Variants in CGRRF1 observed in about 807,000 individuals in gnomAD.
CGRRF1 encodes the protein cell growth regulator with ring finger domain 1, also known as cell growth regulator with RING finger domain protein 1.
A neutral mutation model predicts 37.2 loss-of-function variants in CGRRF1; 32 were observed. The observed-to-expected ratio is 0.86, with a 90% CI of 0.65 to 1.16. The LOEUF (loss-of-function observed/expected upper bound fraction) is 1.16, where lower values mean the gene tolerates loss of function less well. Ranked by LOEUF, CGRRF1 falls within the 50% of genes most tolerant of loss-of-function variation. The probability of loss-of-function intolerance (pLI) is 0.00; values close to 1 mark genes in which losing one functional copy is unlikely to be tolerated. For missense variants in CGRRF1, 391 were observed against 382.6 expected (o/e 1.02, Z -0.18); for synonymous variants, 141 against 140.3 (o/e 1.00, Z -0.04).
chr14:54,510,680 G>C (rs1030021427), intron 1 of CGRRF1, among the ~76,000 whole-genome samples: 12 of 152,198 alleles, frequency 7.9e-5, no homozygotes, highest in African/African-American at 2.4e-4. Context: ...ATGTAACACC[G>C]AGGGTAGGAC....
intron 2 of CGRRF1, among the ~76,000 whole-genome samples, chr14:54,527,681 G>A (rs1297335428): frequency 6.6e-6 from 1 of 151,494 alleles, no homozygotes; most frequent in Non-Finnish European, 1.5e-5. Context: ...TTTTTACAAA[G>A]CAAATAAACA....
intron 4 of CGRRF1, among the ~76,000 whole-genome samples, chr14:54,534,451 T>C (rs2032569251): frequency 6.6e-6 from 1 of 152,156 alleles, no homozygotes; most frequent in Non-Finnish European, 1.5e-5. Flanking sequence ...AAGTGATAAC[T>C]ACTATTTTCT....
intron 1 of CGRRF1, among the ~76,000 whole-genome samples, chr14:54,515,314 G>A (rs1418360363): frequency 2.6e-5 from 4 of 151,572 alleles, no homozygotes; most frequent in African/African-American, 7.3e-5. Flanking sequence ...GGATGGTCTC[G>A]ATCGCTTGAC....
intron 1 of CGRRF1, among the ~76,000 whole-genome samples, chr14:54,513,211 G>A (rs2140052990): frequency 6.6e-6 from 1 of 152,272 alleles, no homozygotes; most frequent in African/African-American, 2.4e-5. Flanking sequence ...AATTTCTTTA[G>A]CTCTTTGCCA....
rs1236729205 is a variant in CGRRF1 at position 54,530,841 on chromosome 14, AT to A, written c.423-57del. On this transcript the variant is annotated intron_variant, in intron 3 of 5. Transcript: ENST00000216420. ...ATAAAGTGTTGCTAACTTATTGATC[AT>A]TTTTGGTGTATTTTTGTTCTTATGG... is the stretch of plus-strand genomic sequence containing the variant. 1.1e-4 allele frequency: 138 copies of A among 1,290,024 alleles called. 1 individual carries two copies. The East Asian group carries it at 3.1e-3, about 29-fold the overall frequency. The allele number at this position is 1,290,024 out of a possible 1,614,324, so 79.9% of individuals were successfully genotyped here. A position where few individuals can be genotyped will look rare whatever the true frequency, so the allele number is the denominator to read the frequency against.
intron 1 of CGRRF1, among the ~76,000 whole-genome samples, chr14:54,513,517 A>G (rs2032162807): frequency 6.6e-6 from 1 of 152,226 alleles, no homozygotes; most frequent in African/African-American, 2.4e-5. Context: ...GTTCTAAAGC[A>G]CTTCATTTTG....
At chr14:54,526,144 A>ATTTTTTTTTTTTTTTTTTTTTTTTTTTT (rs745596386) in intron 2 of CGRRF1, among the ~76,000 whole-genome samples, 1 of 107,068 alleles carries the variant, frequency 9.3e-6, no homozygotes, top group African/African-American at 3.6e-5. Flanking sequence ...TATATTTAAG[A>ATTTTTTTTTTTTTTTTTTTTTTTTTTTT]TTTTTTTTTT....
In CGRRF1 at chr14:54,539,018, G is replaced by C. The variant is rs2032648783; in HGVS notation, c.*635G>C. The C allele has an allele frequency of 6.6e-6, 1 of 152,172 alleles. No individual in the cohort carries two copies. Among genetic ancestry groups the C allele is most frequent in the East Asian group, 1.9e-4 (1 of 5,190 alleles). 9.4% of individuals were successfully genotyped at this position (152,172 alleles called of 1,614,324 possible). ...AAATGATACTCATCTATAGGAGGCA[G>C]ATATATAAAATTCGGATAATAAGAT... On this transcript the variant is annotated 3_prime_UTR_variant, in exon 6 of 6. Coordinates refer to ENST00000216420, the MANE Select transcript of CGRRF1 (RefSeq NM_006568.3).
intron 2 of CGRRF1, among the ~76,000 whole-genome samples, chr14:54,525,383 C>G (rs2032395314): frequency 6.6e-6 from 1 of 152,162 alleles, no homozygotes; most frequent in Non-Finnish European, 1.5e-5. Flanking sequence ...GAAAAGATAG[C>G]CAGTAAGTAG....
intron 1 of CGRRF1, among the ~76,000 whole-genome samples, chr14:54,513,763 C>G (rs1310456439): frequency 6.6e-6 from 1 of 152,042 alleles, no homozygotes; most frequent in Admixed American, 6.6e-5. Context: ...CCCAGAAGTT[C>G]AAGACCAACA....
Position 54,538,115 on chromosome 14 carries a change from C to T in CGRRF1, c.731C>T (p.Ser244Leu), listed in dbSNP as rs761330215. ...TTCACTCCCTCCAACAATTCCTCTT[C>T]AGAAGAAAAAAACACAGACAGAAGT... ...NNFTPSNNSS[S>L]EEKNTDRSLL... is the part of the protein sequence containing the mutation. The change falls in exon 6 of 6, where the codon TCA (serine) becomes TTA (leucine). Residue 244 changes from serine (S) to leucine (L), a missense_variant. By Grantham distance (145) the Ser-to-Leu change is moderately radical. Coordinates refer to ENST00000216420, the MANE Select transcript of CGRRF1 (RefSeq NM_006568.3). 3.7e-6 allele frequency: 6 copies of T among 1,613,744 alleles called. No homozygotes were observed. The African/African-American group carries it at 5.3e-5, about 14-fold the overall frequency.
At chr14:54,521,705 A>G (rs2032320005) in intron 1 of CGRRF1, among the ~76,000 whole-genome samples, 1 of 151,690 alleles carries the variant, frequency 6.6e-6, no homozygotes, top group East Asian at 2.0e-4. Flanking sequence ...GGGTTTCACT[A>G]TGTTTTGGCC....
Position 54,522,536 on chromosome 14 carries a change from C to G in CGRRF1, c.187C>G (p.Gln63Glu), listed in dbSNP as rs765844063. 4 of 1,607,550 alleles carry G rather than the reference C, an allele frequency of 2.5e-6. No homozygotes were observed. Among genetic ancestry groups the G allele is most frequent in the Admixed American group, 1.7e-5 (1 of 58,720 alleles). The change falls in exon 2 of 6, where the codon CAA (glutamine) becomes GAA (glutamate). Residue 63 changes from glutamine (Q) to glutamate (E), a missense_variant. Transcript: ENST00000216420. Reference sequence around the variant, plus strand: ...AAGAGTTTTCAAAAAGCAAATGAGACAAGTCAAGAATCCTTTTGGCTTAGA... The same window carrying G: ...AAGAGTTTTCAAAAAGCAAATGAGAGAAGTCAAGAATCCTTTTGGCTTAGA... ...STRVFKKQMR[Q>E]VKNPFGLEIT...
At chr14:54,520,083 A>G (rs1441206394) in intron 1 of CGRRF1, among the ~76,000 whole-genome samples, 2 of 152,156 alleles carry the variant, frequency 1.3e-5, no homozygotes, top group African/African-American at 4.8e-5. Context: ...TAACATTTAC[A>G]TATAAGATAC....
chr14:54,526,201 G>C (rs1329016994), intron 2 of CGRRF1, among the ~76,000 whole-genome samples: 1 of 137,254 alleles, frequency 7.3e-6, no homozygotes, highest in Non-Finnish European at 1.5e-5. Context: ...CCAGGCTAGA[G>C]TGCAGTGGTG....
intron 1 of CGRRF1, among the ~76,000 whole-genome samples, chr14:54,513,588 T>C (rs79698083): frequency 1.5e-4 from 22 of 145,168 alleles, no homozygotes; most frequent in East Asian, 7.1e-4. Context: ...TATGTTATGT[T>C]ATGTTATGTT....
chr14:54,522,847 G>A (rs1286591269), intron 2 of CGRRF1, among the ~76,000 whole-genome samples: 3 of 152,188 alleles, frequency 2.0e-5, no homozygotes, highest in Non-Finnish European at 1.5e-5. Flanking sequence ...AGTATTACAG[G>A]TGTTAATAGT....
chr14:54,524,121 G>C (rs774036736), intron 2 of CGRRF1, among the ~76,000 whole-genome samples: 1 of 152,048 alleles, frequency 6.6e-6, no homozygotes, highest in Non-Finnish European at 1.5e-5. Context: ...CACTAATTAC[G>C]ACTTCTGCCC....
At chr14:54,523,309 T>C (rs1205067286) in intron 2 of CGRRF1, 2 of 154,170 alleles carry the variant, frequency 1.3e-5, no homozygotes, top group Admixed American at 6.5e-5. Context: ...TATTTTGGTA[T>C]AAATTATTTT....
Sources: gnomAD v4.1 joint callset for allele counts (sites outside exome capture counted in the v4.1 genomes callset) on GRCh38, gnomAD v4.1.1 for gene constraint, MANE v1.5 for transcripts, NCBI Gene and HGNC (gene_info 2026-07-23, HGNC 2026-07-21) for gene names.